The following TOR1A variants were observed in gnomAD, a reference collection of about 807,000 sequenced individuals.
TOR1A encodes torsin family 1 member A.
A neutral mutation model predicts 31.4 loss-of-function variants in TOR1A; 18 were observed. The observed-to-expected ratio is 0.57, with a 90% confidence interval of 0.40 to 0.85. TOR1A has a LOEUF of 0.85. Among genes scored for constraint, TOR1A ranks in the 40% least tolerant of loss-of-function variants. The pLI is 0.00. For missense variants in TOR1A, 375 were observed against 416.4 expected, an observed-to-expected ratio of 0.90 and a Z score of 0.87; for synonymous variants, 168 against 165.9, an observed-to-expected ratio of 1.01 and a Z score of -0.10.
In TOR1A at chr9:129,818,524, C is replaced by T. The variant is rs753511091; in HGVS notation, c.744G>A (p.Lys248=). 10 of 1,613,994 alleles carry T rather than the reference C, an allele frequency of 6.2e-6. No homozygotes were observed. In the African/African-American group the frequency reaches 1.1e-4, roughly 17 times the overall value. The change falls in exon 4 of 5, where the codon AAG becomes AAA. Residue 248 remains lysine (K), a synonymous_variant. Coordinates refer to ENST00000351698, the MANE Select transcript of TOR1A (RefSeq NM_000113.3). The part of the protein sequence containing the change: ...HALSVSVFNN[K]NSGFWHSSLI... ...GCGGTGGATGGCCCTACTCACTGTTCTTGTTATTGAAAACCGACACAGACA... is the reference window on the plus strand; with the variant it reads ...GCGGTGGATGGCCCTACTCACTGTTTTTGTTATTGAAAACCGACACAGACA...
At chr9:129,815,910 C>G (rs918471227) in intron 4 of TOR1A, among the ~76,000 whole-genome samples, 14 of 152,158 alleles carry the variant, frequency 9.2e-5, no homozygotes, top group African/African-American at 3.4e-4. Flanking sequence ...CGCTTCCACG[C>G]TGGGCTCCCT....
chr9:129,818,227 C>T (rs1305020028), intron 4 of TOR1A: 9 of 430,786 alleles, frequency 2.1e-5, no homozygotes, highest in Admixed American at 2.1e-4. Flanking sequence ...CGCTTGAGCC[C>T]GGGAGGCAGA....
chr9:129,816,399 A>G (rs945766238), intron 4 of TOR1A, among the ~76,000 whole-genome samples: 1 of 152,210 alleles, frequency 6.6e-6, no homozygotes, highest in African/African-American at 2.4e-5. Flanking sequence ...ACATGTGTAC[A>G]TGTGCGATGT....
intron 2 of TOR1A, chr9:129,822,042 C>A (rs772464531): frequency 2.5e-5 from 5 of 202,884 alleles, no homozygotes; most frequent in Non-Finnish European, 5.1e-5. Flanking sequence ...GAGGCAGGCA[C>A]ATCACCTGAG....
At chr9:129,815,082 C>T (rs1215128545) in intron 4 of TOR1A, among the ~76,000 whole-genome samples, 1 of 152,252 alleles carries the variant, frequency 6.6e-6, no homozygotes, top group African/African-American at 2.4e-5. Context: ...GATGACACAG[C>T]ACACACTGCG....
chr9:129,818,151 C>G (rs1246367927), intron 4 of TOR1A, among the ~76,000 whole-genome samples: 9 of 152,130 alleles, frequency 5.9e-5, no homozygotes, highest in Admixed American at 2.6e-4. Context: ...ACTAAAAATA[C>G]AAATATTAGC....
At chr9:129,817,315 C>G (rs1363990168) in intron 4 of TOR1A, among the ~76,000 whole-genome samples, 1 of 152,200 alleles carries the variant, frequency 6.6e-6, no homozygotes, top group East Asian at 1.9e-4. Context: ...GAGGAACTAA[C>G]AGGTCATCTC....
chr9:129,824,088 C>G lies in TOR1A; in HGVS notation c.-3G>C. On this transcript the variant is annotated 5_prime_UTR_variant, in exon 1 of 5. Coordinates refer to ENST00000351698, the MANE Select transcript of TOR1A (RefSeq NM_000113.3). ...AGCACGGCCCGGCCCAGCTTCATGC[C>G]CGGACCCGCGCCACCCTGCTTGTTC... 1.3e-6 allele frequency: 2 copies of G among 1,571,190 alleles called. No individual in the cohort carries two copies. Among genetic ancestry groups the G allele is most frequent in the Non-Finnish European group, 1.7e-6 (2 of 1,162,992 alleles).
At chr9:129,822,004 G>A (rs569046558) in intron 2 of TOR1A, 205 of 181,338 alleles carry the variant, frequency 1.1e-3, no homozygotes, top group African/African-American at 4.5e-3. Context: ...GGTGGCTCAC[G>A]CCTGTAATCC....
chr9:129,824,059 G>A lies in TOR1A; in HGVS notation c.27C>T (p.Gly9=), dbSNP rs1445291145. Residue 9 remains glycine, a synonymous_variant, in exon 1 of 5, where the codon GGC becomes GGT. Coordinates refer to ENST00000351698, the MANE Select transcript of TOR1A (RefSeq NM_000113.3). ...CCACGGACGGCGCCAGCAGCAGCAG[G>A]CCCAGCACGGCCCGGCCCAGCTTCA... is the stretch of plus-strand genomic sequence containing the variant. MKLGRAVL[G]LLLLAPSVVQ... is the part of the protein sequence containing the mutation. The A allele has an allele frequency of 5.0e-6, 8 of 1,596,196 alleles. No individual in the cohort carries two copies. Among genetic ancestry groups the A allele is most frequent in the Non-Finnish European group, 6.8e-6 (8 of 1,174,042 alleles).
At chr9:129,820,956 G>C (rs1239818009) in intron 2 of TOR1A, among the ~76,000 whole-genome samples, 1 of 152,144 alleles carries the variant, frequency 6.6e-6, no homozygotes, top group Non-Finnish European at 1.5e-5. Flanking sequence ...CGCTCACCCA[G>C]ACAGAAGGGA....
chr9:129,815,532 G>A (rs970132937), intron 4 of TOR1A, among the ~76,000 whole-genome samples: 1 of 152,214 alleles, frequency 6.6e-6, no homozygotes, highest in Non-Finnish European at 1.5e-5. Flanking sequence ...AGCAGGCTGG[G>A]CAGGACCTCA....
intron 4 of TOR1A, among the ~76,000 whole-genome samples, chr9:129,816,062 C>T (rs1489650119): frequency 6.6e-6 from 1 of 152,028 alleles, no homozygotes; most frequent in East Asian, 1.9e-4. Flanking sequence ...CACCATGGCC[C>T]GCCAGGCTTC....
At chr9:129,814,296 T>G in intron 4 of TOR1A, 74 bp from the exon 5 acceptor site, 1 of 1,607,002 alleles carries the variant, frequency 6.2e-7, no homozygotes, top group South Asian at 1.1e-5. Flanking sequence ...GGGGGTCACT[T>G]ACCTACCCTC....
chr9:129,822,730 A>G lies in TOR1A; in HGVS notation c.295T>C (p.Ser99Pro). 1.2e-6 allele frequency: 2 copies of G among 1,614,204 alleles called. No individual in the cohort carries two copies. Among genetic ancestry groups the G allele is most frequent in the Non-Finnish European group, 1.7e-6 (2 of 1,180,028 alleles). Residue 99 changes from serine (S) to proline (P), a missense_variant, in exon 2 of 5, where the codon TCC becomes CCC. Physicochemically the swap from Ser to Pro is moderately conservative, Grantham distance 74. Coordinates refer to ENST00000351698, the MANE Select transcript of TOR1A (RefSeq NM_000113.3). ...CCGGTGCCTGTCCACCCGTGCAGGG[A>G]GAGCGTGAGAGGTTTCTTGGGCTTT... Reference protein sequence around the residue: ...NPKPKKPLTLSLHGWTGTGKN... With the variant: ...NPKPKKPLTLPLHGWTGTGKN...
At chr9:129,820,414 C>G (rs970377293) in intron 2 of TOR1A, among the ~76,000 whole-genome samples, 1 of 152,194 alleles carries the variant, frequency 6.6e-6, no homozygotes, top group Admixed American at 6.5e-5. Flanking sequence ...GCCACCACAC[C>G]TGGTCTGTTC....
intron 2 of TOR1A, 59 bp from the exon 3 acceptor site, chr9:129,818,979 C>T: frequency 6.3e-7 from 1 of 1,579,026 alleles, no homozygotes; most frequent in Non-Finnish European, 8.6e-7. Context: ...TCAATCAGCT[C>T]CTTCTACCAC....
Position 129,813,824 on chromosome 9 carries a change from A to C in TOR1A, c.*148T>G. The C allele has an allele frequency of 7.8e-7, 1 of 1,282,170 alleles. No individual in the cohort carries two copies. Among genetic ancestry groups the C allele is most frequent in the South Asian group, 1.2e-5 (1 of 80,232 alleles). 79.4% of individuals were successfully genotyped at this position (1,282,170 alleles called of 1,614,324 possible). A position where few individuals can be genotyped will look rare whatever the true frequency, so the allele number is the denominator to read the frequency against. ...CCTGCAGGCACCAGGGGGTGGAAAC[A>C]ATGCCAGGGAGAATTCCTGTCACAT... On this transcript the variant is annotated 3_prime_UTR_variant, in exon 5 of 5. Coordinates refer to ENST00000351698, the MANE Select transcript of TOR1A (RefSeq NM_000113.3).
intron 1 of TOR1A, 141 bp from the exon 2 acceptor site, chr9:129,822,987 GCTC>G: frequency 8.1e-7 from 1 of 1,233,806 alleles, no homozygotes; most frequent in Admixed American, 2.0e-5. Context: ...CGGTCTGTAA[GCTC>G]CTGGCCCAGA....
Sources: gnomAD v4.1 joint callset for allele counts (sites outside exome capture counted in the v4.1 genomes callset) on GRCh38, gnomAD v4.1.1 for gene constraint, MANE v1.5 for transcripts, NCBI Gene and HGNC (gene_info 2026-07-23, HGNC 2026-07-21) for gene names.